Variants in PCDH15 observed in about 807,000 individuals in gnomAD.
The protein encoded by PCDH15 is protocadherin related 15, also known as protocadherin-15.
In PCDH15, 129 loss-of-function variants were observed where a neutral mutation model predicts 178.5. That is an observed-to-expected ratio of 0.72 (90% confidence interval 0.63 to 0.84). The LOEUF (loss-of-function observed/expected upper bound fraction) is 0.84, where lower values mean the gene tolerates loss of function less well. PCDH15 is among the 40% of genes least tolerant of loss of function. PCDH15 has a pLI of 0.00. For missense variants in PCDH15, 2,230 were observed against 2,099.9 expected (o/e 1.06, Z -1.21); for synonymous variants, 800 against 732.0 (o/e 1.09, Z -1.50).
At chr10:54,445,526 T>G (rs2076096299) in intron 3 of PCDH15, among the ~76,000 whole-genome samples, 1 of 151,612 alleles carries the variant, frequency 6.6e-6, no homozygotes, top group Non-Finnish European at 1.5e-5. Context: ...ATGTCATCAT[T>G]ACTTCTGCCA....
At position 54,420,086 on chromosome 10, in the gene PCDH15, T is replaced by G. The variant is rs1955027356; in HGVS notation, c.158-41144A>C. The stretch of plus-strand genomic sequence containing the variant: ...ATGCATGTTGCTTACATGGAAATGT[T>G]GAGAAATTTTTAGCAAATAGAAAGT... On this transcript the variant is annotated intron_variant, in intron 3 of 37. Coordinates refer to ENST00000644397, the MANE Select transcript of PCDH15 (RefSeq NM_001384140.1). 3.3e-5 allele frequency among the ~76,000 whole-genome samples: 5 copies of G among 152,210 alleles called. No homozygotes were observed. In the South Asian group the frequency reaches 1.0e-3, roughly 32 times the overall value.
At chr10:55,284,997 A>G (rs996301685) in intron 1 of PCDH15, among the ~76,000 whole-genome samples, 3 of 151,718 alleles carry the variant, frequency 2.0e-5, no homozygotes, top group Admixed American at 6.6e-5. Flanking sequence ...GGGAAGTGAG[A>G]TCGCTTCAAA....
chr10:53,986,736 C>T (rs531355541), intron 21 of PCDH15, among the ~76,000 whole-genome samples: 138 of 152,286 alleles, frequency 9.1e-4, no homozygotes, highest in Middle Eastern at 3.4e-3. Flanking sequence ...AGGACCAATA[C>T]CGCATGATTG....
chr10:54,363,389 G>C (rs988103015), intron 5 of PCDH15, among the ~76,000 whole-genome samples: 5 of 152,006 alleles, frequency 3.3e-5, no homozygotes, highest in African/African-American at 1.2e-4. Flanking sequence ...AACCTTGTGA[G>C]GCAAAAATTC....
intron 8 of PCDH15, among the ~76,000 whole-genome samples, chr10:54,296,279 C>G (rs955113004): frequency 6.6e-6 from 1 of 151,926 alleles, no homozygotes; most frequent in Admixed American, 6.6e-5. Context: ...TGCCTGGAAC[C>G]AGCTTCCACT....
chr10:53,942,850 T>G (rs2086192148), intron 23 of PCDH15, among the ~76,000 whole-genome samples: 1 of 152,202 alleles, frequency 6.6e-6, no homozygotes, highest in African/African-American at 2.4e-5. Context: ...CAAAATGATA[T>G]ATGTGTTGTT....
intron 2 of PCDH15, among the ~76,000 whole-genome samples, chr10:55,535,179 A>T (rs1302286624): frequency 6.6e-6 from 1 of 152,094 alleles, no homozygotes; most frequent in East Asian, 1.9e-4. Context: ...GTAGAAGTTT[A>T]ATTTTGAAAA....
intron 21 of PCDH15, among the ~76,000 whole-genome samples, chr10:53,981,288 G>A (rs1215300453): frequency 6.6e-6 from 1 of 152,106 alleles, no homozygotes; most frequent in Non-Finnish European, 1.5e-5. Context: ...AACACAATAT[G>A]TTTCGACTTA....
intron 1 of PCDH15, among the ~76,000 whole-genome samples, chr10:54,719,492 T>G (rs1325398916): frequency 6.6e-6 from 1 of 151,526 alleles, no homozygotes; most frequent in African/African-American, 2.4e-5. Flanking sequence ...GTGCAAATGG[T>G]AGCTATTTTT....
chr10:54,483,012 T>C (rs2078835244), intron 3 of PCDH15, among the ~76,000 whole-genome samples: 1 of 151,824 alleles, frequency 6.6e-6, no homozygotes, highest in African/African-American at 2.4e-5. Flanking sequence ...AGATTCAAAG[T>C]AGAGAGTCAG....
intron 18 of PCDH15, among the ~76,000 whole-genome samples, chr10:54,023,710 A>C (rs2092999821): frequency 6.6e-6 from 1 of 150,820 alleles, no homozygotes; most frequent in African/African-American, 2.4e-5. Context: ...ATTATAATAA[A>C]CATTAATCAT....
intron 2 of PCDH15, among the ~76,000 whole-genome samples, chr10:54,550,642 ACAT>A (rs1246640460): frequency 6.6e-6 from 1 of 152,214 alleles, no homozygotes; most frequent in African/African-American, 2.4e-5. Flanking sequence ...ATTGCTTTCT[ACAT>A]CAATTTTCTA....
chr10:54,586,316 T>C (rs185483979), intron 2 of PCDH15, among the ~76,000 whole-genome samples: 28 of 152,310 alleles, frequency 1.8e-4, no homozygotes, highest in Admixed American at 5.9e-4. Context: ...GAGTACCTAC[T>C]ATGTTCCAGG....
intron 32 of PCDH15, chr10:53,822,906 G>T (rs1170911776): frequency 1.2e-6 from 2 of 1,613,896 alleles, no homozygotes; most frequent in Non-Finnish European, 1.7e-6. Flanking sequence ...TTCATTTTCA[G>T]CTTTCTGCCT....
chr10:55,599,758 C>A (rs139521132), intron 2 of PCDH15: 2 of 420,830 alleles, frequency 4.8e-6, no homozygotes, highest in Middle Eastern at 6.2e-4. Flanking sequence ...CATTTCACCC[C>A]ATCTCTCTAC....
At chr10:54,632,355 G>T (rs1024892928) in intron 2 of PCDH15, among the ~76,000 whole-genome samples, 2 of 152,008 alleles carry the variant, frequency 1.3e-5, no homozygotes, top group African/African-American at 4.8e-5. Context: ...TAAGTGATGG[G>T]ATCAATCATA....
intron 2 of PCDH15, among the ~76,000 whole-genome samples, chr10:54,560,234 G>A (rs1178284205): frequency 6.6e-6 from 1 of 151,888 alleles, no homozygotes; most frequent in Non-Finnish European, 1.5e-5. Context: ...AATCTACATC[G>A]GGAAACACTT....
Position 55,543,156 on chromosome 10 carries a change from TATGTGTCTATATAGGTACATATATACACC to T in PCDH15, c.-156+84440_-156+84468del, listed in dbSNP as rs1376877545. On this transcript the variant is annotated intron_variant, in intron 2 of 5. Coordinates refer to the PCDH15 transcript ENST00000613346. The stretch of plus-strand genomic sequence containing the variant: ...CTATATAGGTACATACAGACATATG[TATGTGTCTATATAGGTACATATATACACC>T]ATGTCCCTCAACTATATATATTTGT... 4.6e-3 allele frequency among the ~76,000 whole-genome samples: 679 copies of T among 148,990 alleles called. 14 individuals are homozygous for T. Among genetic ancestry groups the T allele is most frequent in the African/African-American group, 0.016 (648 of 40,306 alleles).
intron 5 of PCDH15, among the ~76,000 whole-genome samples, chr10:54,347,643 T>C (rs906307439): frequency 2.6e-5 from 4 of 151,590 alleles, no homozygotes; most frequent in Admixed American, 1.3e-4. Flanking sequence ...TGTAAATGAG[T>C]GAAGCAAGCA....
Sources: gnomAD v4.1 joint callset for allele counts (sites outside exome capture counted in the v4.1 genomes callset) on GRCh38, gnomAD v4.1.1 for gene constraint, MANE v1.5 for transcripts, NCBI Gene and HGNC (gene_info 2026-07-23, HGNC 2026-07-21) for gene names.